The following DNAH9 variants were observed in gnomAD, a reference collection of about 807,000 sequenced individuals.
DNAH9 encodes the protein dynein axonemal heavy chain 9.
Under a neutral mutation model 471.6 loss-of-function variants are expected in DNAH9, and 345 were observed. That is an observed-to-expected ratio of 0.73 (90% CI 0.67 to 0.80). The LOEUF (loss-of-function observed/expected upper bound fraction) is 0.80. DNAH9 is among the 30% of genes least tolerant of loss of function. The pLI is 0.00. For synonymous variants in DNAH9, 2,093 were observed against 2,123.6 expected, an observed-to-expected ratio of 0.99 and a Z score of 0.40; for missense variants, 5,407 against 5,609.2, an observed-to-expected ratio of 0.96 and a Z score of 1.15.
At position 11,757,567 on chromosome 17, in the gene DNAH9, A is replaced by C; in HGVS notation, c.6870A>C (p.Ala2290=). 6.2e-7 allele frequency: 1 copy of C among 1,613,910 alleles called. No individual in the cohort carries two copies. The highest frequency in any genetic ancestry group is 8.5e-7 in the Non-Finnish European group (1 of 1,179,768). ...CAGGGATCTTGTACATCAACCCGGC[A>C]GACTTGGGATGGAACCCTCCAGTGA... ...SRAGILYINP[A]DLGWNPPVSS... Residue 2290 remains alanine (A), a synonymous_variant, in exon 35 of 69, where the codon GCA becomes GCC. Coordinates refer to ENST00000262442, the MANE Select transcript of DNAH9 (RefSeq NM_001372.4).
intron 15 of DNAH9, among the ~76,000 whole-genome samples, chr17:11,667,135 C>T (rs982938894): frequency 2.0e-5 from 3 of 152,156 alleles, no homozygotes. Flanking sequence ...AAATCTCATA[C>T]AGTCAAAACA....
At chr17:11,862,409 TTTGGTTAC>T (rs745967896) in intron 50 of DNAH9, among the ~76,000 whole-genome samples, 214 of 129,702 alleles carry the variant, frequency 1.6e-3, no homozygotes, top group Middle Eastern at 7.3e-3. Flanking sequence ...ACCATGCTGT[TTTGGTTAC>T]TGTAGCCTTG....
At chr17:11,930,456 T>A (rs1346872907) in intron 63 of DNAH9, among the ~76,000 whole-genome samples, 2 of 152,184 alleles carry the variant, frequency 1.3e-5, no homozygotes, top group Non-Finnish European at 2.9e-5. Context: ...GAGATGATAC[T>A]GTCAATCAGA....
chr17:11,807,683 C>A, intron 43 of DNAH9, 49 bp from the exon 44 acceptor site: 1 of 1,561,522 alleles, frequency 6.4e-7, no homozygotes, highest in South Asian at 1.2e-5. Flanking sequence ...ATGCTTCTGA[C>A]TGCAGAAAGT....
chr17:11,900,939 C>T (rs1256350400), intron 59 of DNAH9, among the ~76,000 whole-genome samples: 2 of 152,154 alleles, frequency 1.3e-5, no homozygotes, highest in Non-Finnish European at 2.9e-5. Flanking sequence ...GAACAGACCT[C>T]CTACACACAC....
Position 11,877,399 on chromosome 17 carries a change from G to T in DNAH9, c.10478+2215G>T, listed in dbSNP as rs575990150. Among the ~76,000 whole-genome samples, 427 of 147,582 alleles carry T rather than the reference G, an allele frequency of 2.9e-3. 5 individuals carry two copies. Among genetic ancestry groups the T allele is most frequent in the African/African-American group, 0.01 (410 of 39,924 alleles). ...GAGGCAGGAGAATCTCTTGAACCCA[G>T]GAGGTGGAGGTTGCAGTGAGCCGAG... On this transcript the variant is annotated intron_variant, in intron 53 of 68. Transcript: ENST00000262442.
chr17:11,625,646 C>T (rs569128981), intron 6 of DNAH9, among the ~76,000 whole-genome samples: 40 of 152,282 alleles, frequency 2.6e-4, no homozygotes, highest in Admixed American at 2.0e-3. Context: ...TGCTATTACC[C>T]CTGGTTTTGA....
chr17:11,920,911 T>G (rs1311248735), intron 61 of DNAH9, among the ~76,000 whole-genome samples: 1 of 151,926 alleles, frequency 6.6e-6, no homozygotes, highest in Non-Finnish European at 1.5e-5. Flanking sequence ...GAGGCCGAGG[T>G]GGGTGGATCA....
intron 28 of DNAH9, 114 bp from the exon 29 acceptor site, chr17:11,738,765 AG>A (rs2075390898): frequency 1.2e-6 from 1 of 859,766 alleles, no homozygotes; most frequent in South Asian, 1.6e-5. Flanking sequence ...TTTCAGTGAA[AG>A]GGTCCACAGG....
chr17:11,641,961 C>G (rs2073281855), intron 10 of DNAH9, among the ~76,000 whole-genome samples: 1 of 152,052 alleles, frequency 6.6e-6, no homozygotes, highest in African/African-American at 2.4e-5. Context: ...TGTTCTGCCT[C>G]CGTACCCCTA....
At chr17:11,655,356 GTGTGTGTGT>G (rs1247106838) in intron 14 of DNAH9, among the ~76,000 whole-genome samples, 1 of 6,962 alleles carries the variant, frequency 1.4e-4, no homozygotes, top group African/African-American at 4.4e-4. Flanking sequence ...TCCATGGTGT[GTGTGTGTGT>G]GTGTGTGTGT....
chr17:11,640,233 C>G (rs2073244860), intron 9 of DNAH9, 37 bp from the exon 10 acceptor site: 2 of 1,343,442 alleles, frequency 1.5e-6, no homozygotes, highest in South Asian at 1.2e-5. Flanking sequence ...CTGAGGTGCT[C>G]TAGACTCATT....
chr17:11,882,477 T>C (rs1404767363), intron 55 of DNAH9, among the ~76,000 whole-genome samples: 1 of 152,128 alleles, frequency 6.6e-6, no homozygotes, highest in Non-Finnish European at 1.5e-5. Flanking sequence ...GGAATTCCAG[T>C]GCATGAGAGA....
In DNAH9 at chr17:11,932,641, A is replaced by G. The variant is rs1974558726; in HGVS notation, c.12297+436A>G. Among the ~76,000 whole-genome samples, 1 of 152,220 alleles carries G rather than the reference A, an allele frequency of 6.6e-6. No homozygotes were observed. The highest frequency in any genetic ancestry group is 6.5e-5 in the Admixed American group (1 of 15,278). On this transcript the variant is annotated intron_variant, in intron 64 of 68. Coordinates refer to ENST00000262442, the MANE Select transcript of DNAH9 (RefSeq NM_001372.4). The surrounding 1 kb of genome is among the most constrained non-coding windows in gnomAD (Gnocchi z 4.3). The stretch of plus-strand genomic sequence containing the variant: ...TGAGCACACAGAAGGGCTGCACCCC[A>G]CACAGGTGGGATGAGGCAGTGCCAA...
rs753780342 is a variant in DNAH9 at position 11,679,905 on chromosome 17, C to T, written c.3502C>T (p.Pro1168Ser). Residue 1168 changes from proline (P) to serine (S), a missense_variant, in exon 18 of 69, where the codon CCC becomes TCC. By Grantham distance (74) the Pro-to-Ser change is moderately conservative (BLOSUM62 -1). Coordinates refer to ENST00000262442, the MANE Select transcript of DNAH9 (RefSeq NM_001372.4). Reference sequence around the variant, plus strand: ...GAGTAACACTGATGAGATGTTTGAGCCCTTAAAGCAGACTATTGAATTGCT... The same window carrying T: ...GAGTAACACTGATGAGATGTTTGAGTCCTTAAAGCAGACTATTGAATTGCT... ...RQSNTDEMFE[P>S]LKQTIELLKT... 2 of 1,613,898 alleles carry T rather than the reference C, an allele frequency of 1.2e-6. No homozygotes were observed. The highest frequency in any genetic ancestry group is 8.5e-7 in the Non-Finnish European group (1 of 1,179,982).
intron 67 of DNAH9, among the ~76,000 whole-genome samples, chr17:11,946,897 AAT>A (rs1215656309): frequency 2.6e-5 from 4 of 152,150 alleles, no homozygotes; most frequent in African/African-American, 4.8e-5. Flanking sequence ...AAGGTTAGAA[AAT>A]GTCTAATTTT....
chr17:11,721,330 C>T (rs114871023), intron 27 of DNAH9, among the ~76,000 whole-genome samples: 1,638 of 152,088 alleles, frequency 0.011, 32 homozygotes, highest in African/African-American at 0.037. Flanking sequence ...ATAGGCTAAG[C>T]TTCCATGGAA....
intron 20 of DNAH9, 121 bp from the exon 21 acceptor site, chr17:11,693,747 G>A: frequency 9.6e-7 from 1 of 1,039,832 alleles, no homozygotes; most frequent in Middle Eastern, 2.0e-4. Context: ...TTCCTTCGTT[G>A]AGTCTATTCT....
At chr17:11,887,606 G>A (rs1179437819) in intron 57 of DNAH9, among the ~76,000 whole-genome samples, 1 of 152,166 alleles carries the variant, frequency 6.6e-6, no homozygotes, top group Non-Finnish European at 1.5e-5. Flanking sequence ...GAGGCATTAG[G>A]AGGTAGTGAA....
Sources: allele counts gnomAD v4.1 joint callset (sites outside exome capture counted in the v4.1 genomes callset), GRCh38; gene constraint gnomAD v4.1.1; non-coding constraint Gnocchi (gnomAD v3.1); transcripts MANE v1.5; gene names NCBI Gene and HGNC (gene_info 2026-07-23, HGNC 2026-07-21).